The following EAPP variants were observed in gnomAD, a reference collection of about 807,000 sequenced individuals.
EAPP encodes the protein E2F-associated phosphoprotein.
A neutral mutation model predicts 34.3 loss-of-function variants in EAPP; 38 were observed. The ratio of observed to expected loss-of-function variants is 1.11; its 90% CI spans 0.85 to 1.45. The LOEUF (loss-of-function observed/expected upper bound fraction) is 1.45, where lower values mean the gene tolerates loss of function less well. Among genes scored for constraint, EAPP ranks in the 40% most tolerant of loss-of-function variants. EAPP has a pLI of 0.00. For missense variants in EAPP, 338 were observed against 343.7 expected (o/e 0.98, Z 0.13); for synonymous variants, 113 against 117.6 (o/e 0.96, Z 0.25).
intron 5 of EAPP, among the ~76,000 whole-genome samples, 171 bp downstream of exon 5, chr14:34,524,526 G>A (rs556688094): frequency 3.9e-5 from 6 of 152,168 alleles, no homozygotes; most frequent in African/African-American, 1.4e-4. Context: ...TGAGGCAGGA[G>A]ACTCGCTTGA....
chr14:34,529,432 T>G lies in EAPP; in HGVS notation c.396A>C (p.Pro132=). Residue 132 remains proline (P), a synonymous_variant, in exon 4 of 6, where the codon CCA becomes CCC. Coordinates refer to ENST00000250454, the MANE Select transcript of EAPP (RefSeq NM_018453.4). ...KKKKKKQHKI[P]TNDELLYDPE... ...GATCATACAGTAATTCGTCATTTGTTGGAATCTTGTGTTGTTTCTTCTTTT... is the reference window on the plus strand; with the variant it reads ...GATCATACAGTAATTCGTCATTTGTGGGAATCTTGTGTTGTTTCTTCTTTT... 1 of 1,613,428 alleles carries G rather than the reference T, an allele frequency of 6.2e-7. No homozygotes were observed.
chr14:34,531,444 T>C (rs1454803416), intron 3 of EAPP, among the ~76,000 whole-genome samples: 1 of 151,188 alleles, frequency 6.6e-6, no homozygotes, highest in Admixed American at 6.6e-5. Flanking sequence ...CTACTAAGAA[T>C]GCAAAAATTT....
chr14:34,530,904 C>CAAAAAAAAAAAAAAAAAAA (rs780101001), intron 3 of EAPP, among the ~76,000 whole-genome samples: 3 of 55,168 alleles, frequency 5.4e-5, no homozygotes, highest in African/African-American at 7.0e-5. Flanking sequence ...CAATCTTTAC[C>CAAAAAAAAAAAAAAAAAAA]AAAAAAAAAA....
Position 34,516,178 on chromosome 14 carries a change from C to A in EAPP, c.*132G>T. ...GATGTAAGAGATGAATGAAGGTTGA[C>A]AACTATTCTCCTTTAAAAAGAGAAA... is the stretch of plus-strand genomic sequence containing the variant. On this transcript the variant is annotated 3_prime_UTR_variant, in exon 6 of 6. Coordinates refer to ENST00000250454, the MANE Select transcript of EAPP (RefSeq NM_018453.4). The A allele has an allele frequency of 1.2e-6, 1 of 854,630 alleles. No individual in the cohort carries two copies. Among genetic ancestry groups the A allele is most frequent in the Non-Finnish European group, 1.7e-6 (1 of 573,738 alleles). 52.9% of individuals were successfully genotyped at this position (854,630 alleles called of 1,614,324 possible). A position where few individuals can be genotyped will look rare whatever the true frequency, so the allele number is the denominator to read the frequency against.
chr14:34,535,690 C>T (rs2138225010), intron 2 of EAPP, among the ~76,000 whole-genome samples: 1 of 152,122 alleles, frequency 6.6e-6, no homozygotes, highest in East Asian at 1.9e-4. Flanking sequence ...CCTCGGCCTC[C>T]CAAAGTGCTA....
chr14:34,518,043 G>C (rs1879795245), intron 5 of EAPP, among the ~76,000 whole-genome samples: 1 of 152,084 alleles, frequency 6.6e-6, no homozygotes, highest in Non-Finnish European at 1.5e-5. Context: ...AAAGTGCTGG[G>C]ATTACAGGTG....
intron 3 of EAPP, among the ~76,000 whole-genome samples, chr14:34,531,630 T>A (rs1880293920): frequency 6.6e-6 from 1 of 151,764 alleles, no homozygotes; most frequent in Admixed American, 6.6e-5. Context: ...AACAAACACA[T>A]ACATTCTAAC....
chr14:34,532,311 T>C (rs1489309104), intron 3 of EAPP, among the ~76,000 whole-genome samples: 1 of 151,532 alleles, frequency 6.6e-6, no homozygotes, highest in Admixed American at 6.6e-5. Context: ...AACAAAAAAT[T>C]AGCCAGGCAT....
At chr14:34,538,365 T>A (rs1328471109) in intron 1 of EAPP, among the ~76,000 whole-genome samples, 1 of 149,244 alleles carries the variant, frequency 6.7e-6, no homozygotes, top group African/African-American at 2.5e-5. Flanking sequence ...GCTGACAGAG[T>A]GAGACTCTGT....
chr14:34,522,841 T>C (rs1879962835), intron 5 of EAPP, among the ~76,000 whole-genome samples: 1 of 152,178 alleles, frequency 6.6e-6, no homozygotes, highest in African/African-American at 2.4e-5. Flanking sequence ...CTGGCTATCC[T>C]CAGGGATATT....
At chr14:34,532,342 C>T (rs189037902) in intron 3 of EAPP, among the ~76,000 whole-genome samples, 189 of 152,010 alleles carry the variant, frequency 1.2e-3, no homozygotes, top group South Asian at 9.5e-3. Context: ...GTCTGTAAAC[C>T]CAGCTACTCA....
At chr14:34,526,877 T>TA (rs55927803) in intron 4 of EAPP, among the ~76,000 whole-genome samples, 121,225 of 148,884 alleles carry the variant, frequency 0.81, 49,446 homozygotes, top group Non-Finnish European at 0.85. Flanking sequence ...GTCTTTAAAT[T>TA]AAAAAAAAAA....
rs1201826507 is a variant in EAPP at position 34,516,250 on chromosome 14, AG to A, written c.*59del. On this transcript the variant is annotated 3_prime_UTR_variant, in exon 6 of 6. Coordinates refer to ENST00000250454, the MANE Select transcript of EAPP (RefSeq NM_018453.4). Reference sequence around the variant, plus strand: ...GAAGGATATGAACAGGCAAGAGGAAAGTAACTGTCCATATTTGCCTTATATA... The same window carrying A: ...GAAGGATATGAACAGGCAAGAGGAAATAACTGTCCATATTTGCCTTATATA... 3 of 1,471,360 alleles carry A rather than the reference AG, an allele frequency of 2.0e-6. No individual in the cohort carries two copies. The highest frequency in any genetic ancestry group is 2.8e-6 in the Non-Finnish European group (3 of 1,090,834). The allele number at this position is 1,471,360 out of a possible 1,614,324, so 91.1% of individuals were successfully genotyped here.
intron 5 of EAPP, among the ~76,000 whole-genome samples, chr14:34,518,325 A>ATTTTTTTTTTTTTTT (rs71404852): frequency 1.3e-5 from 1 of 74,082 alleles, no homozygotes; most frequent in African/African-American, 6.8e-5. Flanking sequence ...CTCCCTTTAG[A>ATTTTTTTTTTTTTTT]TTTTTTTTTT....
rs1237654456 is a variant in EAPP at position 34,516,435 on chromosome 14, T to C, written c.733A>G (p.Lys245Glu). The C allele has an allele frequency of 3.7e-6, 6 of 1,614,220 alleles. No homozygotes were observed. The highest frequency in any genetic ancestry group is 5.1e-6 in the Non-Finnish European group (6 of 1,180,040). ...ATTTCTTCCACATCTGTCTCTGCCT[T>C]CTCGGCAGCATCTTCCCGGTTAGAC... ...MRSNREDAAE[K>E]AETDVEEIYH... The change falls in exon 6 of 6, where the codon AAG becomes GAG. Residue 245 changes from lysine to glutamate, a missense_variant. Physicochemically the swap from Lys to Glu is moderately conservative, Grantham distance 56. Coordinates refer to ENST00000250454, the MANE Select transcript of EAPP (RefSeq NM_018453.4).
chr14:34,537,249 G>C (rs1475831164), intron 1 of EAPP, among the ~76,000 whole-genome samples: 2 of 152,194 alleles, frequency 1.3e-5, no homozygotes, highest in Non-Finnish European at 2.9e-5. Context: ...GAGCTCAAGT[G>C]ATTCTCCTGC....
rs1436004870 is a variant in EAPP, at chr14:34,523,461, G to A, written c.581+1236C>T. 4.0e-5 allele frequency among the ~76,000 whole-genome samples: 6 copies of A among 150,672 alleles called. No individual in the cohort carries two copies. The South Asian group carries it at 1.3e-3, about 31-fold the overall frequency. ...ACCGTGGTCTCGATCTCCTGACCTCGTGATCCGCCCACCTCGGTCTCCCAA... is the reference window on the plus strand; with the variant it reads ...ACCGTGGTCTCGATCTCCTGACCTCATGATCCGCCCACCTCGGTCTCCCAA... On this transcript the variant is annotated intron_variant, in intron 5 of 5. Transcript: ENST00000250454.
intron 1 of EAPP, among the ~76,000 whole-genome samples, chr14:34,539,030 T>G (rs1370272001): frequency 6.6e-6 from 1 of 152,116 alleles, no homozygotes; most frequent in Non-Finnish European, 1.5e-5. Flanking sequence ...TCTCTGTAGC[T>G]CAGAGCGAGC....
chr14:34,527,958 T>C (rs1880148358), intron 4 of EAPP, among the ~76,000 whole-genome samples: 1 of 152,186 alleles, frequency 6.6e-6, no homozygotes, highest in Admixed American at 6.5e-5. Context: ...TTTTGTTATG[T>C]GAATTTTATC....
Sources: allele counts gnomAD v4.1 joint callset (sites outside exome capture counted in the v4.1 genomes callset), GRCh38; gene constraint gnomAD v4.1.1; transcripts MANE v1.5; gene names NCBI Gene and HGNC (gene_info 2026-07-23, HGNC 2026-07-21).